EYS: variants seen among roughly 807,000 people sequenced by gnomAD.
The protein encoded by EYS is EGF-like photoreceptor maintenance factor.
Under a neutral mutation model 282.1 loss-of-function variants are expected in EYS, and 250 were observed. That is an observed-to-expected ratio of 0.89 (90% CI 0.80 to 0.98). EYS has a LOEUF of 0.98. Ranked by LOEUF, EYS falls within the 50% of genes least tolerant of loss-of-function variation. The pLI is 0.00. For synonymous variants in EYS, 1,355 were observed against 1,282.9 expected (o/e 1.06, Z -1.20); for missense variants, 4,016 against 3,709.0 (o/e 1.08, Z -2.15).
At chr6:64,158,897 T>C (rs140977424) in intron 31 of EYS, among the ~76,000 whole-genome samples, 1 of 152,336 alleles carries the variant, frequency 6.6e-6, no homozygotes, top group Non-Finnish European at 1.5e-5. Flanking sequence ...GTCATTCCAT[T>C]TATTCAACAA....
chr6:65,029,353 A>G (rs1335683533), intron 13 of EYS, among the ~76,000 whole-genome samples: 1 of 152,132 alleles, frequency 6.6e-6, no homozygotes, highest in Admixed American at 6.5e-5. Context: ...TTATGTCTAT[A>G]TATTGATATA....
intron 12 of EYS, among the ~76,000 whole-genome samples, chr6:65,116,599 AG>A (rs1775381144): frequency 6.6e-6 from 1 of 152,090 alleles, no homozygotes; most frequent in African/African-American, 2.4e-5. Flanking sequence ...CTCCTGACCA[AG>A]GCTGTTTCTG....
chr6:65,401,763 A>C (rs927975354), intron 7 of EYS, among the ~76,000 whole-genome samples: 1 of 151,916 alleles, frequency 6.6e-6, no homozygotes, highest in African/African-American at 2.4e-5. Context: ...TCTGTACCCC[A>C]CATGTTAATT....
intron 12 of EYS, among the ~76,000 whole-genome samples, chr6:65,278,256 T>C (rs1438837347): frequency 6.8e-6 from 1 of 146,094 alleles, no homozygotes; most frequent in Non-Finnish European, 1.5e-5. Context: ...CAATTCCTTA[T>C]AATAAATCTC....
intron 22 of EYS, among the ~76,000 whole-genome samples, chr6:64,753,091 C>T (rs1772817061): frequency 6.6e-6 from 1 of 152,020 alleles, no homozygotes; most frequent in Admixed American, 6.6e-5. Flanking sequence ...ACAAGAAATC[C>T]TCAAAGGAGT....
intron 36 of EYS, among the ~76,000 whole-genome samples, chr6:63,830,062 A>G (rs1438671842): frequency 7.9e-5 from 12 of 152,240 alleles, no homozygotes; most frequent in Admixed American, 7.9e-4. Context: ...CCCCATCTGT[A>G]CGTCACCATC....
intron 31 of EYS, among the ~76,000 whole-genome samples, chr6:64,207,464 A>T (rs900529151): frequency 1.3e-5 from 2 of 152,166 alleles, no homozygotes; most frequent in African/African-American, 2.4e-5. Flanking sequence ...TATTAAATAT[A>T]AAGAACTTCA....
chr6:64,213,826 T>C (rs890880077), intron 31 of EYS, among the ~76,000 whole-genome samples: 3 of 152,112 alleles, frequency 2.0e-5, no homozygotes, highest in Non-Finnish European at 4.4e-5. Context: ...GAAGGAAACA[T>C]TGCTTTACAA....
intron 12 of EYS, among the ~76,000 whole-genome samples, chr6:65,267,201 CAAT>C (rs2150262814): frequency 6.6e-6 from 1 of 151,870 alleles, no homozygotes; most frequent in Non-Finnish European, 1.5e-5. Context: ...CTCCAATTTT[CAAT>C]TATGATTGGG....
rs374228340 is a variant in EYS, at chr6:65,043,650, T to C, written c.2137+13964A>G. On this transcript the variant is annotated intron_variant, in intron 13 of 42. Transcript: ENST00000503581. ...TAAGTGAGATTATTTGGTACTTTTCTTTCAGTGTCTGGATTATTTTATTTA... is the reference window on the plus strand; with the variant it reads ...TAAGTGAGATTATTTGGTACTTTTCCTTCAGTGTCTGGATTATTTTATTTA... Among the ~76,000 whole-genome samples, 9 of 151,584 alleles carry C rather than the reference T, an allele frequency of 5.9e-5. No homozygotes were observed. In the East Asian group the frequency reaches 1.8e-3, roughly 30 times the overall value.
chr6:65,006,780 G>C (rs1282329499), intron 13 of EYS, among the ~76,000 whole-genome samples: 1 of 152,176 alleles, frequency 6.6e-6, no homozygotes, highest in Non-Finnish European at 1.5e-5. Context: ...GGAGACTTTT[G>C]TGGAAGCAGA....
chr6:64,960,559 A>G (rs758050910), intron 14 of EYS, among the ~76,000 whole-genome samples: 1 of 152,164 alleles, frequency 6.6e-6, no homozygotes, highest in East Asian at 1.9e-4. Flanking sequence ...TTCAACTTAT[A>G]TCTACAATTC....
intron 35 of EYS, among the ~76,000 whole-genome samples, chr6:63,909,324 T>C (rs1773859188): frequency 6.6e-6 from 1 of 152,250 alleles, no homozygotes; most frequent in African/African-American, 2.4e-5. Context: ...ATCATTTATC[T>C]ATCATCTATT....
chr6:64,058,682 A>G (rs552866791), intron 33 of EYS, among the ~76,000 whole-genome samples: 3 of 152,198 alleles, frequency 2.0e-5, no homozygotes, highest in South Asian at 2.1e-4. Flanking sequence ...TTCTGCCCCA[A>G]TTTTTATAAA....
At chr6:65,406,570 A>G (rs894137750) in intron 5 of EYS, among the ~76,000 whole-genome samples, 2 of 152,026 alleles carry the variant, frequency 1.3e-5, no homozygotes, top group Non-Finnish European at 2.9e-5. Context: ...TAGATTCCTA[A>G]TCCATTTGAG....
chr6:65,161,235 T>C lies in EYS; in HGVS notation c.2024-103508A>G, dbSNP rs1191561268. Among the ~76,000 whole-genome samples, 6 of 151,072 alleles carry C rather than the reference T, an allele frequency of 4.0e-5. No individual in the cohort carries two copies. The Admixed American group carries it at 4.0e-4, about 10-fold the overall frequency. On this transcript the variant is annotated intron_variant, in intron 12 of 42. Transcript: ENST00000503581. ...ATTGTTTTACTGTCTAAATGTTTCCTGATCCATTTTTCTGCCAGCATGTAA... is the reference window on the plus strand; with the variant it reads ...ATTGTTTTACTGTCTAAATGTTTCCCGATCCATTTTTCTGCCAGCATGTAA...
intron 14 of EYS, among the ~76,000 whole-genome samples, chr6:64,948,695 T>C (rs1769383304): frequency 6.6e-6 from 1 of 150,432 alleles, no homozygotes; most frequent in Non-Finnish European, 1.5e-5. Flanking sequence ...TTCAGCCAAT[T>C]TTGATGGAAA....
At chr6:64,075,126 A>G (rs1771724337) in intron 32 of EYS, among the ~76,000 whole-genome samples, 1 of 151,938 alleles carries the variant, frequency 6.6e-6, no homozygotes, top group Admixed American at 6.6e-5. Flanking sequence ...TAGTTTTAGA[A>G]TTCCTCTTTC....
intron 29 of EYS, among the ~76,000 whole-genome samples, chr6:64,333,328 T>A (rs1286180566): frequency 6.6e-6 from 1 of 152,144 alleles, no homozygotes; most frequent in East Asian, 1.9e-4. Flanking sequence ...CCATATATTT[T>A]GATTGCTGCC....
Sources: allele counts gnomAD v4.1 joint callset (sites outside exome capture counted in the v4.1 genomes callset), GRCh38; gene constraint gnomAD v4.1.1; transcripts MANE v1.5; gene names NCBI Gene and HGNC (gene_info 2026-07-23, HGNC 2026-07-21).